The following ICE2 variants were observed in gnomAD, a reference collection of about 807,000 sequenced individuals.
The protein encoded by ICE2 is interactor of little elongation complex ELL subunit 2.
A neutral mutation model predicts 105.4 loss-of-function variants in ICE2; 87 were observed. That is an observed-to-expected ratio of 0.83 (90% confidence interval 0.69 to 0.99). ICE2 has a LOEUF of 0.99. ICE2 is among the 50% of genes least tolerant of loss of function. The pLI, the probability that ICE2 is intolerant of heterozygous loss-of-function variation, is 0.00. For missense variants in ICE2, 1,323 were observed against 1,146.7 expected (o/e 1.15, Z -2.22); for synonymous variants, 399 against 392.0 (o/e 1.02, Z -0.21).
Position 60,431,180 on chromosome 15 carries a change from C to T in ICE2, c.2561+754G>A, listed in dbSNP as rs532336120. On this transcript the variant is annotated intron_variant, in intron 14 of 15. Transcript: ENST00000261520. ...AGCCACTGCGCCCGGCCTCTATGTT[C>T]TTCTTTTTTTTTTTTAATCTTGAAA... 5.0e-4 allele frequency among the ~76,000 whole-genome samples: 76 copies of T among 151,452 alleles called. No individual in the cohort carries two copies. The Middle Eastern group carries it at 0.031, about 61-fold the overall frequency.
chr15:60,422,058 AC>A lies in ICE2; in HGVS notation c.*1575del, dbSNP rs1474620218. Reference sequence around the variant, plus strand: ...TGAAGCAATTATCTAGGATTACAAAACTTATATTTTACAAATGACATACATA... The same window carrying A: ...TGAAGCAATTATCTAGGATTACAAAATTATATTTTACAAATGACATACATA... On this transcript the variant is annotated 3_prime_UTR_variant, in exon 16 of 16. Coordinates refer to ENST00000261520, the MANE Select transcript of ICE2 (RefSeq NM_024611.6). 2 of 152,088 alleles carry A rather than the reference AC, an allele frequency of 1.3e-5. No individual in the cohort carries two copies. Among genetic ancestry groups the A allele is most frequent in the African/African-American group, 4.8e-5 (2 of 41,396 alleles). 9.4% of individuals were successfully genotyped at this position (152,088 alleles called of 1,614,324 possible).
Position 60,448,019 on chromosome 15 carries a change from T to C in ICE2, c.2246A>G (p.Gln749Arg), listed in dbSNP as rs747373573. ...AGAACGTGGTCTTGTCTCTATCCTC[T>C]GGACACTGCAGCGTACGAGTAACAA... ...DLLLLVRCSV[Q>R]RIETRPRSKK... The change falls in exon 11 of 16, where the codon CAG becomes CGG. Residue 749 changes from glutamine (Q) to arginine (R), a missense_variant. By Grantham distance (43) the Gln-to-Arg change is conservative. Coordinates refer to ENST00000261520, the MANE Select transcript of ICE2 (RefSeq NM_024611.6). 8.1e-6 allele frequency: 13 copies of C among 1,613,906 alleles called. No homozygotes were observed. The highest frequency in any genetic ancestry group is 6.6e-5 in the South Asian group (6 of 91,022).
intron 3 of ICE2, among the ~76,000 whole-genome samples, chr15:60,475,631 A>G (rs547798863): frequency 6.6e-6 from 1 of 152,158 alleles, no homozygotes; most frequent in Admixed American, 6.5e-5. Context: ...AGATAATTGC[A>G]AAACAGTTTT....
chr15:60,463,686 C>A (rs1272246951), intron 5 of ICE2, among the ~76,000 whole-genome samples: 1 of 152,202 alleles, frequency 6.6e-6, no homozygotes, highest in African/African-American at 2.4e-5. Context: ...AGCAGAACAG[C>A]TTGAACCCTG....
At chr15:60,457,063 T>A (rs558439591) in intron 5 of ICE2, among the ~76,000 whole-genome samples, 26 of 152,216 alleles carry the variant, frequency 1.7e-4, no homozygotes, top group African/African-American at 6.0e-4. Flanking sequence ...TAAGAAACTG[T>A]TAAAGGCACA....
At chr15:60,475,091 C>T (rs2064720438) in intron 3 of ICE2, among the ~76,000 whole-genome samples, 1 of 152,204 alleles carries the variant, frequency 6.6e-6, no homozygotes, top group African/African-American at 2.4e-5. Context: ...TACGTTTCCT[C>T]CACTGTAAAA....
chr15:60,433,138 G>A (rs1432069274), intron 13 of ICE2, among the ~76,000 whole-genome samples: 5 of 151,062 alleles, frequency 3.3e-5, no homozygotes, highest in African/African-American at 9.7e-5. Context: ...AGGCTGGAGC[G>A]CCAGGCTGGA....
At chr15:60,478,923 C>T in intron 1 of ICE2, 80 bp downstream of exon 1, 5 of 455,196 alleles carry the variant, frequency 1.1e-5, no homozygotes, top group South Asian at 7.8e-5. Flanking sequence ...TCCCTCCTCC[C>T]GCCCCTGCAT....
At chr15:60,445,150 T>C (rs2063796588) in intron 11 of ICE2, among the ~76,000 whole-genome samples, 1 of 152,206 alleles carries the variant, frequency 6.6e-6, no homozygotes, top group Admixed American at 6.5e-5. Context: ...AAAGAAGAGA[T>C]GAGGTTCTTG....
chr15:60,477,873 C>T (rs1443933130), intron 2 of ICE2, 64 bp downstream of exon 2: 2 of 1,358,696 alleles, frequency 1.5e-6, no homozygotes, highest in South Asian at 2.3e-5. Context: ...AATCTATTTT[C>T]TTATGTCAAC....
chr15:60,456,231 A>AAATTT (rs2064107298), intron 6 of ICE2, among the ~76,000 whole-genome samples: 1 of 6,366 alleles, frequency 1.6e-4, no homozygotes, highest in Non-Finnish European at 2.9e-3. Flanking sequence ...ATTATTGCTT[A>AAATTT]AAATTTAATG....
chr15:60,468,180 A>T lies in ICE2; in HGVS notation c.289T>A (p.Phe97Ile). 6.2e-7 allele frequency: 1 copy of T among 1,614,132 alleles called. No homozygotes were observed. The change falls in exon 4 of 16, where the codon TTC becomes ATC. Residue 97 changes from phenylalanine to isoleucine, a missense_variant. Transcript: ENST00000261520. ...TGCTCTCTCTGTGAGAAACGAGAGA[A>T]ACGAGGATAAGGAACTCTTGGTTTT... ...LPKPRVPYPR[F>I]SRFSQREQRS...
intron 8 of ICE2, chr15:60,454,798 A>C: frequency 2.3e-6 from 1 of 435,610 alleles, no homozygotes. Flanking sequence ...TCAACCTGTC[A>C]TCTAGGTTTT....
At chr15:60,435,352 C>A (rs1391656897) in intron 13 of ICE2, among the ~76,000 whole-genome samples, 1 of 151,276 alleles carries the variant, frequency 6.6e-6, no homozygotes, top group Non-Finnish European at 1.5e-5. Flanking sequence ...GTAATCCCAG[C>A]ACTTTGGGAG....
Position 60,450,980 on chromosome 15 carries a change from A to G in ICE2, c.1126-1139T>C, listed in dbSNP as rs965193404. ...ACAACTACAGATGCCATCAAGAGATAAAAAGAGGAAGAATAGCAATGAAAG... is the reference window on the plus strand; with the variant it reads ...ACAACTACAGATGCCATCAAGAGATGAAAAGAGGAAGAATAGCAATGAAAG... On this transcript the variant is annotated intron_variant, in intron 9 of 15. Transcript: ENST00000261520. 2.1e-5 allele frequency: 4 copies of G among 187,982 alleles called. No individual in the cohort carries two copies. The East Asian group carries it at 5.6e-4, about 26-fold the overall frequency. The allele number at this position is 187,982 out of a possible 1,614,324, so 11.6% of individuals were successfully genotyped here. A position where few individuals can be genotyped will look rare whatever the true frequency, so the allele number is the denominator to read the frequency against.
At chr15:60,468,863 T>C (rs899537216) in intron 3 of ICE2, among the ~76,000 whole-genome samples, 9 of 152,214 alleles carry the variant, frequency 5.9e-5, no homozygotes, top group Non-Finnish European at 1.2e-4. Flanking sequence ...GAAAGCAGTA[T>C]TGGTTTTGGA....
At position 60,423,610 on chromosome 15, in the gene ICE2, A is replaced by G. The variant is rs938243273; in HGVS notation, c.*24T>C. 1.3e-6 allele frequency: 2 copies of G among 1,581,556 alleles called. No individual in the cohort carries two copies. Among genetic ancestry groups the G allele is most frequent in the Non-Finnish European group, 1.7e-6 (2 of 1,167,858 alleles). ...AACACTGTTATAACTGTTTTTTTAA[A>G]TTTAGTTTTCCATGGTACAGTCCTC... On this transcript the variant is annotated 3_prime_UTR_variant, in exon 16 of 16. Transcript: ENST00000261520.
At chr15:60,467,201 G>A (rs1357170973) in intron 4 of ICE2, among the ~76,000 whole-genome samples, 1 of 152,252 alleles carries the variant, frequency 6.6e-6, no homozygotes, top group East Asian at 1.9e-4. Context: ...GATCTCAGGT[G>A]ATCTACCTGC....
chr15:60,453,835 A>AT, intron 8 of ICE2, 51 bp from the exon 9 acceptor site: 1 of 1,416,602 alleles, frequency 7.1e-7, no homozygotes. Flanking sequence ...ATTGTGATAT[A>AT]TTTTTTAAAA....
Sources: gnomAD v4.1 joint callset for allele counts (sites outside exome capture counted in the v4.1 genomes callset) on GRCh38, gnomAD v4.1.1 for gene constraint, MANE v1.5 for transcripts, NCBI Gene and HGNC (gene_info 2026-07-23, HGNC 2026-07-21) for gene names.